The following PLCL1 variants were observed in gnomAD, a reference collection of about 807,000 sequenced individuals.
PLCL1 encodes the protein inactive phospholipase C-like protein 1.
Under a neutral mutation model 84.4 loss-of-function variants are expected in PLCL1, and 41 were observed. That is an observed-to-expected ratio of 0.49 (90% confidence interval 0.38 to 0.63). PLCL1 has a LOEUF of 0.63. PLCL1 is among the 30% of genes least tolerant of loss of function. The pLI is 0.00. For synonymous variants in PLCL1, 490 were observed against 488.3 expected (o/e 1.00, Z -0.05); for missense variants, 1,206 against 1,367.8 (o/e 0.88, Z 1.87).
intron 1 of PLCL1, among the ~76,000 whole-genome samples, chr2:197,829,774 T>G (rs1299182910): frequency 2.6e-5 from 4 of 152,230 alleles, no homozygotes. Flanking sequence ...TTGGCTGGCC[T>G]TGGTCTCTTC....
At chr2:197,821,106 C>G (rs1173530459) in intron 1 of PLCL1, among the ~76,000 whole-genome samples, 1 of 152,030 alleles carries the variant, frequency 6.6e-6, no homozygotes, top group East Asian at 1.9e-4. Flanking sequence ...TTCAAGTTCT[C>G]TTTTTTCCCC....
rs970636079 is a variant in PLCL1 at position 197,805,584 on chromosome 2, T to G, written c.240+245T>G. ...AGTTCCGCTCTGCGTCTTTGCGTTC[T>G]GATGGATGCTTTCCCTCATTTTCTC... On this transcript the variant is annotated intron_variant, in intron 1 of 5. Transcript: ENST00000428675. The surrounding 1 kb of genome is among the most constrained non-coding windows in gnomAD (Gnocchi z 4.0). 1.3e-5 allele frequency among the ~76,000 whole-genome samples: 2 copies of G among 152,228 alleles called. No individual in the cohort carries two copies. The highest frequency in any genetic ancestry group is 6.5e-5 in the Admixed American group (1 of 15,284).
At chr2:197,829,525 A>G (rs561629245) in intron 1 of PLCL1, among the ~76,000 whole-genome samples, 4 of 152,200 alleles carry the variant, frequency 2.6e-5, no homozygotes, top group African/African-American at 9.6e-5. Context: ...TATTTAATAA[A>G]TTAATTTTCT....
intron 1 of PLCL1, among the ~76,000 whole-genome samples, chr2:198,002,252 T>C (rs1021831193): frequency 6.6e-6 from 1 of 152,168 alleles, no homozygotes; most frequent in African/African-American, 2.4e-5. Context: ...GGGTTGTTTC[T>C]AATTTTTGGC....
At chr2:197,937,904 T>G (rs1015973836) in intron 1 of PLCL1, among the ~76,000 whole-genome samples, 3 of 152,120 alleles carry the variant, frequency 2.0e-5, no homozygotes, top group Non-Finnish European at 4.4e-5. Context: ...GGTCCCATAA[T>G]GTTTCCTAAA....
chr2:198,054,269 T>A (rs1216451983), intron 1 of PLCL1, among the ~76,000 whole-genome samples: 1 of 152,226 alleles, frequency 6.6e-6, no homozygotes, highest in Non-Finnish European at 1.5e-5. Flanking sequence ...TTTGTTTAGA[T>A]GATCTGAACA....
In PLCL1 at chr2:198,101,376, T is replaced by C. The variant is rs755732149; in HGVS notation, c.2995+16T>C. 2.1e-5 allele frequency: 30 copies of C among 1,422,446 alleles called. No individual in the cohort carries two copies. The Middle Eastern group carries it at 7.2e-4, about 34-fold the overall frequency. The allele number at this position is 1,422,446 out of a possible 1,614,324, so 88.1% of individuals were successfully genotyped here. ...CAGAAAGCAGGTAATTGTTTTTAATTTTTTTTTCTGTTTTTTTTTTCTATT... is the reference window on the plus strand; with the variant it reads ...CAGAAAGCAGGTAATTGTTTTTAATCTTTTTTTCTGTTTTTTTTTTCTATT... On this transcript the variant is annotated intron_variant, in intron 4 of 5. Transcript: ENST00000428675.
At chr2:197,955,529 C>T (rs192935927) in intron 1 of PLCL1, among the ~76,000 whole-genome samples, 1 of 150,316 alleles carries the variant, frequency 6.7e-6, no homozygotes, top group Admixed American at 6.6e-5. Flanking sequence ...ATTGATCTTT[C>T]CTCCCCTTAC....
At chr2:198,062,925 A>C (rs1400837765) in intron 1 of PLCL1, among the ~76,000 whole-genome samples, 2 of 152,120 alleles carry the variant, frequency 1.3e-5, no homozygotes, top group African/African-American at 4.8e-5. Flanking sequence ...AAAACCCAAA[A>C]TTTCTGAACC....
At chr2:198,087,097 C>CTTGTCTTAGAAATGTGGTTTAA (rs1692905809) in intron 2 of PLCL1, among the ~76,000 whole-genome samples, 1 of 152,010 alleles carries the variant, frequency 6.6e-6, no homozygotes, top group African/African-American at 2.4e-5. Context: ...AATATTTAAC[C>CTTGTCTTAGAAATGTGGTTTAA]TTGTCTTAGA....
intron 1 of PLCL1, among the ~76,000 whole-genome samples, chr2:197,892,837 A>G (rs1688056136): frequency 6.6e-6 from 1 of 152,148 alleles, no homozygotes. Flanking sequence ...TACTAAAAAT[A>G]CAAAAATTAG....
Position 197,932,288 on chromosome 2 carries a change from T to C in PLCL1, c.240+126949T>C, listed in dbSNP as rs1345028215. On this transcript the variant is annotated intron_variant, in intron 1 of 5. Coordinates refer to ENST00000428675, the MANE Select transcript of PLCL1 (RefSeq NM_006226.4). ...GGTTTAGGAATTGCTGTCTAGGACC[T>C]CTTTTTATACTGCACTGAACACAGT... Among the ~76,000 whole-genome samples the C allele has an allele frequency of 1.8e-4, 28 of 152,230 alleles. 1 individual carries two copies. Among genetic ancestry groups the C allele is most frequent in the Admixed American group, 1.5e-3 (23 of 15,274 alleles).
intron 5 of PLCL1, among the ~76,000 whole-genome samples, chr2:198,114,809 G>GTGTGTGCA (rs1693701438): frequency 1.3e-5 from 2 of 151,418 alleles, no homozygotes; most frequent in Non-Finnish European, 2.9e-5. Flanking sequence ...GTGTGTGTGT[G>GTGTGTGCA]TGCATATATA....
At chr2:198,050,784 C>G (rs555253945) in intron 1 of PLCL1, among the ~76,000 whole-genome samples, 1 of 152,272 alleles carries the variant, frequency 6.6e-6, no homozygotes, top group South Asian at 2.1e-4. Context: ...TGATTGTTCT[C>G]TCCTTTGCCT....
intron 1 of PLCL1, among the ~76,000 whole-genome samples, chr2:197,864,823 A>C (rs1232325950): frequency 6.6e-6 from 1 of 152,198 alleles, no homozygotes; most frequent in South Asian, 2.1e-4. Flanking sequence ...ATTTTTATAC[A>C]GTATAAAAAC....
intron 1 of PLCL1, among the ~76,000 whole-genome samples, chr2:197,863,163 G>GTT (rs71012994): frequency 0.012 from 1,669 of 134,732 alleles, 33 homozygotes; most frequent in African/African-American, 0.042. Context: ...TTCTTAAAGC[G>GTT]TTTTTTTTTT....
intron 5 of PLCL1, among the ~76,000 whole-genome samples, chr2:198,129,877 AT>A (rs1694078381): frequency 6.6e-6 from 1 of 152,096 alleles, no homozygotes; most frequent in Non-Finnish European, 1.5e-5. Flanking sequence ...CCATTAAATC[AT>A]TCTCACCAAG....
chr2:197,947,258 ATG>A (rs1689297037), intron 1 of PLCL1, among the ~76,000 whole-genome samples: 1 of 148,206 alleles, frequency 6.7e-6, no homozygotes. Context: ...ATATATATAT[ATG>A]TATATACACA....
chr2:198,094,940 T>A (rs1203351702), intron 3 of PLCL1, among the ~76,000 whole-genome samples: 1 of 151,958 alleles, frequency 6.6e-6, no homozygotes, highest in Non-Finnish European at 1.5e-5. Context: ...CGGCTGGAGG[T>A]GGGAAGTGTA....
Sources: gnomAD v4.1 joint callset for allele counts (sites outside exome capture counted in the v4.1 genomes callset) on GRCh38, gnomAD v4.1.1 for gene constraint, Gnocchi (gnomAD v3.1) non-coding constraint, MANE v1.5 for transcripts, NCBI Gene and HGNC (gene_info 2026-07-23, HGNC 2026-07-21) for gene names.